GREM1: variants seen among roughly 807,000 people sequenced by gnomAD.
GREM1 encodes the protein gremlin-1.
GREM1 carries 6 observed loss-of-function variants against 13.1 expected under a neutral mutation model. The observed-to-expected ratio is 0.46, with a 90% confidence interval of 0.25 to 0.91. The LOEUF (loss-of-function observed/expected upper bound fraction) is 0.91, where lower values mean the gene tolerates loss of function less well. Among genes scored for constraint, GREM1 ranks in the 40% least tolerant of loss-of-function variants. GREM1 has a pLI of 0.18. For missense variants in GREM1, 185 were observed against 233.9 expected, an observed-to-expected ratio of 0.79 and a Z score of 1.36; for synonymous variants, 98 against 93.7, an observed-to-expected ratio of 1.05 and a Z score of -0.27.
In GREM1 at chr15:32,732,494, G is replaced by T. The variant is rs966402496; in HGVS notation, c.*1249G>T. 4.1e-6 allele frequency: 1 copy of T among 245,614 alleles called. No individual in the cohort carries two copies. Among genetic ancestry groups the T allele is most frequent in the Non-Finnish European group, 8.6e-6 (1 of 116,584 alleles). The allele number at this position is 245,614 out of a possible 1,614,324, so 15.2% of individuals were successfully genotyped here. A position where few individuals can be genotyped will look rare whatever the true frequency, so the allele number is the denominator to read the frequency against. ...TGTCAGGAGATTGGGCTAAAGAGAA[G>T]ACGACGAGAGTAAGGAAATAAAGGG... On this transcript the variant is annotated 3_prime_UTR_variant, in exon 2 of 2. Coordinates refer to ENST00000651154, the MANE Select transcript of GREM1 (RefSeq NM_013372.7).
rs201363001 is a variant in GREM1, at chr15:32,718,540, C to T, written c.-2+379C>T. On this transcript the variant is annotated intron_variant, in intron 1 of 1. Transcript: ENST00000651154. ...CAGGCCGCCAGAGCGCAGGAGCATC[C>T]GGACCTGCTAGTCGGCCGCTGACTG... 6.7e-6 allele frequency: 3 copies of T among 447,586 alleles called. No homozygotes were observed. The Admixed American group carries it at 7.4e-5, about 11-fold the overall frequency. 27.7% of individuals were successfully genotyped at this position (447,586 alleles called of 1,614,324 possible).
chr15:32,741,159 A>C lies in GREM1; in HGVS notation c.*9914A>C, dbSNP rs1375399103. 6.6e-6 allele frequency: 1 copy of C among 152,210 alleles called. No homozygotes were observed. The highest frequency in any genetic ancestry group is 1.5e-5 in the Non-Finnish European group (1 of 68,030). 9.4% of individuals were successfully genotyped at this position (152,210 alleles called of 1,614,324 possible). On this transcript the variant is annotated 3_prime_UTR_variant, in exon 2 of 2. Transcript: ENST00000651154. ...GTGTAGTAATAAATGTCTATACTTA[A>C]GGGGTGAGGATTGATATATTTAAAG... is the stretch of plus-strand genomic sequence containing the variant.
rs2055726547 is a variant in GREM1, at chr15:32,738,125, A to AAAAAC, written c.*6884_*6885insCAAAA. 2.1e-4 allele frequency: 6 copies of AAAAAC among 27,986 alleles called. 2 individuals carry two copies. Among genetic ancestry groups the AAAAAC allele is most frequent in the South Asian group, 5.0e-3 (2 of 402 alleles). 1.7% of individuals were successfully genotyped at this position (27,986 alleles called of 1,614,324 possible). A position where few individuals can be genotyped will look rare whatever the true frequency, so the allele number is the denominator to read the frequency against. On this transcript the variant is annotated 3_prime_UTR_variant, in exon 2 of 2. Coordinates refer to ENST00000651154, the MANE Select transcript of GREM1 (RefSeq NM_013372.7). Reference sequence around the variant, plus strand: ...AAAAAAAAAAAAAAAAAAAAAAAAAAAAAAAAAAGAAAAGAAAAAAGTCAT... The same window carrying AAAAAC: ...AAAAAAAAAAAAAAAAAAAAAAAAAAAAAACAAAAAAAAGAAAAGAAAAAAGTCAT...
At chr15:32,719,917 A>T (rs908046435) in intron 1 of GREM1, among the ~76,000 whole-genome samples, 2 of 152,136 alleles carry the variant, frequency 1.3e-5, no homozygotes, top group African/African-American at 2.4e-5. Flanking sequence ...TTTTCAAAGC[A>T]AGGAGGGAAA....
At position 32,740,235 on chromosome 15, in the gene GREM1, T is replaced by C. The variant is rs973454336; in HGVS notation, c.*8990T>C. Reference sequence around the variant, plus strand: ...AGGAAAATGAATAATCATACGAAGATGTTCCAAACCAAAGAACAAGATAAA... The same window carrying C: ...AGGAAAATGAATAATCATACGAAGACGTTCCAAACCAAAGAACAAGATAAA... On this transcript the variant is annotated 3_prime_UTR_variant, in exon 2 of 2. Coordinates refer to ENST00000651154, the MANE Select transcript of GREM1 (RefSeq NM_013372.7). 1 of 152,200 alleles carries C rather than the reference T, an allele frequency of 6.6e-6. No homozygotes were observed. The highest frequency in any genetic ancestry group is 1.5e-5 in the Non-Finnish European group (1 of 68,050). The allele number at this position is 152,200 out of a possible 1,614,324, so 9.4% of individuals were successfully genotyped here. A position where few individuals can be genotyped will look rare whatever the true frequency, so the allele number is the denominator to read the frequency against.
chr15:32,730,639 T>C, intron 1 of GREM1, 51 bp from the exon 2 acceptor site: 1 of 1,290,810 alleles, frequency 7.7e-7, no homozygotes, highest in Non-Finnish European at 1.1e-6. Flanking sequence ...AATTTTTAAA[T>C]TAACTTTGCC....
At chr15:32,728,706 T>C (rs1007127390) in intron 1 of GREM1, among the ~76,000 whole-genome samples, 3 of 152,182 alleles carry the variant, frequency 2.0e-5, no homozygotes, top group African/African-American at 7.2e-5. Context: ...ATACTGGTAT[T>C]CCAAAGAGAG....
intron 1 of GREM1, among the ~76,000 whole-genome samples, chr15:32,728,345 C>T (rs897510707): frequency 2.6e-5 from 4 of 152,076 alleles, no homozygotes; most frequent in Non-Finnish European, 5.9e-5. Flanking sequence ...AAAAGCTCTG[C>T]ATAAAGAGCA....
chr15:32,738,079 T>A lies in GREM1; in HGVS notation c.*6834T>A, dbSNP rs2055719309. The stretch of plus-strand genomic sequence containing the variant: ...TACTGGAGGTTCTACCTAGGGTAAT[T>A]AGGCAAAAAAAAAAAAAAAAAAAAA... On this transcript the variant is annotated 3_prime_UTR_variant, in exon 2 of 2. Coordinates refer to ENST00000651154, the MANE Select transcript of GREM1 (RefSeq NM_013372.7). The A allele has an allele frequency of 3.4e-5, 1 of 29,150 alleles. No individual in the cohort carries two copies. Among genetic ancestry groups the A allele is most frequent in the Non-Finnish European group, 7.0e-5 (1 of 14,354 alleles). The allele number at this position is 29,150 out of a possible 1,614,324, so 1.8% of individuals were successfully genotyped here.
rs569720032 is a variant in GREM1 at position 32,732,403 on chromosome 15, T to C, written c.*1158T>C. 1 of 244,524 alleles carries C rather than the reference T, an allele frequency of 4.1e-6. No homozygotes were observed. The highest frequency in any genetic ancestry group is 1.8e-4 in the South Asian group (1 of 5,504). 15.1% of individuals were successfully genotyped at this position (244,524 alleles called of 1,614,324 possible). On this transcript the variant is annotated 3_prime_UTR_variant, in exon 2 of 2. Transcript: ENST00000651154. ...GAGTGTACCTGACAGTAGTCTAAGATGAGAGAGTTTAGGGACTACTCTGTT... is the reference window on the plus strand; with the variant it reads ...GAGTGTACCTGACAGTAGTCTAAGACGAGAGAGTTTAGGGACTACTCTGTT...
In GREM1 at chr15:32,722,246, A is replaced by G. The variant is rs73376934; in HGVS notation, c.-2+4085A>G. 0.04 allele frequency among the ~76,000 whole-genome samples: 6,066 copies of G among 152,344 alleles called. 280 individuals carry two copies. Among genetic ancestry groups the G allele is most frequent in the East Asian group, 0.2 (1,033 of 5,182 alleles). ...CTGAGAAAAAGGAATAGATCTTTCT[A>G]AAACCTGGCCTGCACTTAGAGCATT... is the stretch of plus-strand genomic sequence containing the variant. On this transcript the variant is annotated intron_variant, in intron 1 of 1. Transcript: ENST00000651154.
At position 32,740,383 on chromosome 15, in the gene GREM1, T is replaced by C. The variant is rs1378899088; in HGVS notation, c.*9138T>C. 6.6e-6 allele frequency: 1 copy of C among 152,102 alleles called. No homozygotes were observed. Among genetic ancestry groups the C allele is most frequent in the African/African-American group, 2.4e-5 (1 of 41,408 alleles). The allele number at this position is 152,102 out of a possible 1,614,324, so 9.4% of individuals were successfully genotyped here. On this transcript the variant is annotated 3_prime_UTR_variant, in exon 2 of 2. Transcript: ENST00000651154. ...AATGCATGAAAAAAGTTAAGAATTTTGACAAAGAGATAGAGTATATTTAAA... is the reference window on the plus strand; with the variant it reads ...AATGCATGAAAAAAGTTAAGAATTTCGACAAAGAGATAGAGTATATTTAAA...
intron 1 of GREM1, among the ~76,000 whole-genome samples, chr15:32,728,650 A>T (rs1471710833): frequency 7.2e-5 from 11 of 152,204 alleles, no homozygotes; most frequent in Admixed American, 7.2e-4. Context: ...TTTTGGTGGG[A>T]GAAATAATGT....
At chr15:32,719,845 C>G (rs1179671176) in intron 1 of GREM1, among the ~76,000 whole-genome samples, 1 of 152,142 alleles carries the variant, frequency 6.6e-6, no homozygotes, top group South Asian at 2.1e-4. Context: ...AGGGCTTCCC[C>G]CTCCCCTTTT....
rs1257755933 is a variant in GREM1 at position 32,733,173 on chromosome 15, G to A, written c.*1928G>A. 4.4e-6 allele frequency: 1 copy of A among 228,566 alleles called. No homozygotes were observed. Among genetic ancestry groups the A allele is most frequent in the African/African-American group, 2.3e-5 (1 of 44,254 alleles). 14.2% of individuals were successfully genotyped at this position (228,566 alleles called of 1,614,324 possible). A position where few individuals can be genotyped will look rare whatever the true frequency, so the allele number is the denominator to read the frequency against. Reference sequence around the variant, plus strand: ...AGGCGAATTTGTCCAAACACATAGTGTGTGTGTTTTGTATACACTGTATGA... The same window carrying A: ...AGGCGAATTTGTCCAAACACATAGTATGTGTGTTTTGTATACACTGTATGA... On this transcript the variant is annotated 3_prime_UTR_variant, in exon 2 of 2. Transcript: ENST00000651154.
Position 32,731,178 on chromosome 15 carries a change from C to T in GREM1, c.488C>T (p.Pro163Leu), listed in dbSNP as rs1446800680. Residue 163 changes from proline to leucine, a missense_variant, in exon 2 of 2, where the codon CCA (proline) becomes CTA (leucine). Coordinates refer to ENST00000651154, the MANE Select transcript of GREM1 (RefSeq NM_013372.7). ...ACACTCAACTGCCCTGAACTACAGC[C>T]ACCTACCAAGAAGAAGAGAGTCACA... Reference protein sequence around the residue: ...MVTLNCPELQPPTKKKRVTRV... With the variant: ...MVTLNCPELQLPTKKKRVTRV... 1 of 1,614,118 alleles carries T rather than the reference C, an allele frequency of 6.2e-7. No individual in the cohort carries two copies. The highest frequency in any genetic ancestry group is 1.7e-5 in the Admixed American group (1 of 60,020).
At position 32,744,659 on chromosome 15, in the gene GREM1, C is replaced by T. The variant is rs557822970; in HGVS notation, c.*13414C>T. 1.3e-5 allele frequency: 2 copies of T among 151,428 alleles called. No homozygotes were observed. Among genetic ancestry groups the T allele is most frequent in the African/African-American group, 4.8e-5 (2 of 41,242 alleles). The allele number at this position is 151,428 out of a possible 1,614,324, so 9.4% of individuals were successfully genotyped here. A position where few individuals can be genotyped will look rare whatever the true frequency, so the allele number is the denominator to read the frequency against. ...TTCATAAATCGTCACTTAACTCAAG[C>T]AAAACAATGTTACTCTCTTTGTACA... On this transcript the variant is annotated 3_prime_UTR_variant, in exon 2 of 2. Coordinates refer to ENST00000651154, the MANE Select transcript of GREM1 (RefSeq NM_013372.7).
At position 32,732,112 on chromosome 15, in the gene GREM1, T is replaced by A. The variant is rs957060543; in HGVS notation, c.*867T>A. Reference sequence around the variant, plus strand: ...AATCTGCTCAAACCTAACACCAAACTGAAAACATAAATACTGACCACTCCT... The same window carrying A: ...AATCTGCTCAAACCTAACACCAAACAGAAAACATAAATACTGACCACTCCT... On this transcript the variant is annotated 3_prime_UTR_variant, in exon 2 of 2. Coordinates refer to ENST00000651154, the MANE Select transcript of GREM1 (RefSeq NM_013372.7). 2.5e-5 allele frequency: 6 copies of A among 241,374 alleles called. No homozygotes were observed. The highest frequency in any genetic ancestry group is 1.3e-4 in the African/African-American group (6 of 44,990). 15.0% of individuals were successfully genotyped at this position (241,374 alleles called of 1,614,324 possible).
At chr15:32,721,530 C>T (rs2055407237) in intron 1 of GREM1, among the ~76,000 whole-genome samples, 1 of 152,062 alleles carries the variant, frequency 6.6e-6, no homozygotes. Context: ...CTGAGGCAGG[C>T]GGATCACGAG....
Sources: gnomAD v4.1 joint callset for allele counts (sites outside exome capture counted in the v4.1 genomes callset) on GRCh38, gnomAD v4.1.1 for gene constraint, MANE v1.5 for transcripts, NCBI Gene and HGNC (gene_info 2026-07-23, HGNC 2026-07-21) for gene names.